The following TFAP2C variants were observed in gnomAD, a reference collection of about 807,000 sequenced individuals.
TFAP2C encodes activating enhancer-binding protein 2 gamma.
A neutral mutation model predicts 42.9 loss-of-function variants in TFAP2C; 9 were observed. The observed-to-expected ratio is 0.21, with a 90% confidence interval of 0.13 to 0.37. TFAP2C has a LOEUF of 0.37. Ranked by LOEUF, TFAP2C falls within the 10% of genes least tolerant of loss-of-function variation. The pLI is 1.00. For missense variants in TFAP2C, 462 were observed against 591.7 expected (o/e 0.78, Z 2.27); for synonymous variants, 264 against 256.0 (o/e 1.03, Z -0.30).
At position 56,631,289 on chromosome 20, in the gene TFAP2C, C is replaced by A. The variant is rs146454069; in HGVS notation, c.133C>A (p.Pro45Thr). The change falls in exon 2 of 7, where the codon CCC (proline) becomes ACC (threonine). Residue 45 changes from proline (P) to threonine (T), a missense_variant. By Grantham distance (38) the Pro-to-Thr change is conservative. Transcript: ENST00000201031. The surrounding 1 kb of genome is among the most constrained non-coding windows in gnomAD (Gnocchi z 6.1). ...AGQHLYSPAP[P>T]LSHTGVAEYQ... ...GCAGCACCTCTACAGCCCCGCGCCACCCCTCTCCCACACTGGAGTCGCCGA... is the reference window on the plus strand; with the variant it reads ...GCAGCACCTCTACAGCCCCGCGCCAACCCTCTCCCACACTGGAGTCGCCGA... The A allele has an allele frequency of 1.2e-6, 2 of 1,606,946 alleles. No homozygotes were observed. Among genetic ancestry groups the A allele is most frequent in the African/African-American group, 2.7e-5 (2 of 74,386 alleles).
At position 56,633,685 on chromosome 20, in the gene TFAP2C, C is replaced by T. The variant is rs541873256; in HGVS notation, c.803+116C>T. Reference sequence around the variant, plus strand: ...TTTATGCCTAACACTGAATTCTAATCGGGTTAGAGTTTTAGTACATTTCTT... The same window carrying T: ...TTTATGCCTAACACTGAATTCTAATTGGGTTAGAGTTTTAGTACATTTCTT... On this transcript the variant is annotated intron_variant, in intron 4 of 6. Coordinates refer to ENST00000201031, the MANE Select transcript of TFAP2C (RefSeq NM_003222.4). 1.7e-4 allele frequency: 135 copies of T among 776,428 alleles called. 1 individual carries two copies. The East Asian group carries it at 3.3e-3, about 19-fold the overall frequency. The allele number at this position is 776,428 out of a possible 1,614,324, so 48.1% of individuals were successfully genotyped here.
rs780474175 is a variant in TFAP2C at position 56,631,510 on chromosome 20, C to G, written c.354C>G (p.His118Gln). ...SQEGAGLPSH[H>Q]GRPAGLLPHL... ...AGGGAGCGGGGCTGCCCTCGCACCA[C>G]GGGCGCCCGGCCGGCCTACTGCCCC... Residue 118 changes from histidine to glutamine, a missense_variant, in exon 2 of 7, where the codon CAC (histidine) becomes CAG (glutamine). Physicochemically the swap from His to Gln is conservative, Grantham distance 24. Around this residue, in one of 5 missense-constraint regions of TFAP2C, gnomAD observed 271 missense variants for 269.7 expected, o/e 1.00. Transcript: ENST00000201031. The surrounding 1 kb of genome is among the most constrained non-coding windows in gnomAD (Gnocchi z 6.1). 2.4e-5 allele frequency: 36 copies of G among 1,502,940 alleles called. No homozygotes were observed. Among genetic ancestry groups the G allele is most frequent in the Non-Finnish European group, 3.2e-5 (36 of 1,133,980 alleles). The allele number at this position is 1,502,940 out of a possible 1,614,324, so 93.1% of individuals were successfully genotyped here. A position where few individuals can be genotyped will look rare whatever the true frequency, so the allele number is the denominator to read the frequency against.
At chr20:56,634,037 T>C (rs1320433575) in intron 4 of TFAP2C, 113 bp from the exon 5 acceptor site, 4 of 729,734 alleles carry the variant, frequency 5.5e-6, no homozygotes, top group East Asian at 2.5e-5. Context: ...AGATAGTCTT[T>C]GATGGGTTTC....
intron 6 of TFAP2C, 65 bp from the exon 7 acceptor site, chr20:56,637,663 G>A: frequency 6.4e-7 from 1 of 1,559,628 alleles, no homozygotes; most frequent in Non-Finnish European, 8.8e-7. Flanking sequence ...AGTGTAGTTG[G>A]TTCTGTGCTC....
At chr20:56,632,043 T>C (rs1374461657) in intron 3 of TFAP2C, among the ~76,000 whole-genome samples, 187 bp downstream of exon 3, 1 of 152,212 alleles carries the variant, frequency 6.6e-6, no homozygotes, top group Non-Finnish European at 1.5e-5. Context: ...CTAGGAGCTG[T>C]CTCTTCATCT....
chr20:56,634,173 G>T lies in TFAP2C; in HGVS notation c.827G>T (p.Arg276Leu). 1 of 1,613,628 alleles carries T rather than the reference G, an allele frequency of 6.2e-7. No homozygotes were observed. Among genetic ancestry groups the T allele is most frequent in the Non-Finnish European group, 8.5e-7 (1 of 1,179,886 alleles). The stretch of plus-strand genomic sequence containing the variant: ...AGAGCCAAATCGAAAAATGGAGGCC[G>T]GTCCTTGCGGGAGAAGTTGGACAAG... ...LRRAKSKNGG[R>L]SLREKLDKIG... Residue 276 changes from arginine to leucine, a missense_variant, in exon 5 of 7, where the codon CGG (arginine) becomes CTG (leucine). By Grantham distance (102) the Arg-to-Leu change is moderately radical. This residue lies in a region of TFAP2C where 40 missense variants were observed against 106.8 expected (regional missense o/e 0.37). Transcript: ENST00000201031.
Position 56,636,773 on chromosome 20 carries a change from A to G in TFAP2C, c.1067+19A>G. The stretch of plus-strand genomic sequence containing the variant: ...CGGCCCAGTAAGTATCTGAACTTGA[A>G]TTTGATGATGACTCAATGCTCTAGA... On this transcript the variant is annotated intron_variant, in intron 6 of 6. Coordinates refer to ENST00000201031, the MANE Select transcript of TFAP2C (RefSeq NM_003222.4). 3 of 1,608,486 alleles carry G rather than the reference A, an allele frequency of 1.9e-6. No homozygotes were observed. Among genetic ancestry groups the G allele is most frequent in the Non-Finnish European group, 2.5e-6 (3 of 1,177,270 alleles).
intron 5 of TFAP2C, among the ~76,000 whole-genome samples, chr20:56,634,881 C>T (rs143555025): frequency 6.6e-6 from 1 of 152,322 alleles, no homozygotes; most frequent in African/African-American, 2.4e-5. Flanking sequence ...GGCCCCTTTA[C>T]CCCAACCTGG....
At chr20:56,632,472 G>A (rs1393899018) in intron 3 of TFAP2C, among the ~76,000 whole-genome samples, 1 of 152,106 alleles carries the variant, frequency 6.6e-6, no homozygotes, top group African/African-American at 2.4e-5. Flanking sequence ...TTAACTGACA[G>A]GATTACCAGG....
rs2146445830 is a variant in TFAP2C at position 56,630,815 on chromosome 20, C to T, written c.49-390C>T. On this transcript the variant is annotated intron_variant, in intron 1 of 6. Transcript: ENST00000201031. This position sits in a 1 kb window ranked among gnomAD's most constrained non-coding sequence, Gnocchi z 5.1. ...CATGGGCGGGCTCCACGAGATAGCT[C>T]TGCACCGGGCGTCCGGCTCCTTCGC... The T allele has an allele frequency of 1.0e-6, 1 of 985,330 alleles. No homozygotes were observed. The highest frequency in any genetic ancestry group is 1.7e-5 in the African/African-American group (1 of 57,370). 61.0% of individuals were successfully genotyped at this position (985,330 alleles called of 1,614,324 possible). A position where few individuals can be genotyped will look rare whatever the true frequency, so the allele number is the denominator to read the frequency against.
In TFAP2C at chr20:56,631,510, C is replaced by T. The variant is rs780474175; in HGVS notation, c.354C>T (p.His118=). 1.5e-5 allele frequency: 23 copies of T among 1,502,940 alleles called. No homozygotes were observed. Among genetic ancestry groups the T allele is most frequent in the Non-Finnish European group, 1.9e-5 (21 of 1,133,980 alleles). 93.1% of individuals were successfully genotyped at this position (1,502,940 alleles called of 1,614,324 possible). Residue 118 remains histidine (H), a synonymous_variant, in exon 2 of 7, where the codon CAC becomes CAT. Coordinates refer to ENST00000201031, the MANE Select transcript of TFAP2C (RefSeq NM_003222.4). The surrounding 1 kb of genome is among the most constrained non-coding windows in gnomAD (Gnocchi z 6.1). ...SQEGAGLPSH[H]GRPAGLLPHL... ...AGGGAGCGGGGCTGCCCTCGCACCACGGGCGCCCGGCCGGCCTACTGCCCC... is the reference window on the plus strand; with the variant it reads ...AGGGAGCGGGGCTGCCCTCGCACCATGGGCGCCCGGCCGGCCTACTGCCCC...
rs951091472 is a variant in TFAP2C, at chr20:56,639,202, C to T, written c.*1189C>T. On this transcript the variant is annotated 3_prime_UTR_variant, in exon 7 of 7. Coordinates refer to ENST00000201031, the MANE Select transcript of TFAP2C (RefSeq NM_003222.4). ...GGTGAAATGGAGATTTGGAATTGAA[C>T]TCTCTGCCTGTAAATGTTCCCCAAA... 2.0e-5 allele frequency: 3 copies of T among 152,652 alleles called. No homozygotes were observed. The highest frequency in any genetic ancestry group is 6.5e-5 in the Admixed American group (1 of 15,290). 9.5% of individuals were successfully genotyped at this position (152,652 alleles called of 1,614,324 possible). A position where few individuals can be genotyped will look rare whatever the true frequency, so the allele number is the denominator to read the frequency against.
At chr20:56,635,882 A>G (rs1045343454) in intron 5 of TFAP2C, among the ~76,000 whole-genome samples, 3 of 152,198 alleles carry the variant, frequency 2.0e-5, no homozygotes, top group Non-Finnish European at 4.4e-5. Flanking sequence ...TACTTATAAT[A>G]CCTAATACTA....
Position 56,629,620 on chromosome 20 carries a change from C to G in TFAP2C, c.48+28C>G, listed in dbSNP as rs778577283. The G allele has an allele frequency of 1.4e-6, 2 of 1,392,064 alleles. No individual in the cohort carries two copies. The highest frequency in any genetic ancestry group is 5.9e-5 in the Admixed American group (2 of 34,002). 86.2% of individuals were successfully genotyped at this position (1,392,064 alleles called of 1,614,324 possible). A position where few individuals can be genotyped will look rare whatever the true frequency, so the allele number is the denominator to read the frequency against. ...GAGCTGGGGCTCCGGGGTGCAGCCC[C>G]GCCCCGCCGAGGACAGTCCGGGAGG... On this transcript the variant is annotated intron_variant, in intron 1 of 6. Transcript: ENST00000201031. This position sits in a 1 kb window ranked among gnomAD's most constrained non-coding sequence, Gnocchi z 5.9.
At position 56,631,728 on chromosome 20, in the gene TFAP2C, C is replaced by G. The variant is rs1287870333; in HGVS notation, c.534+38C>G. ...GCGGCTCCTGACCGGACCTGTTCAC[C>G]CTACGGCCTTCTGCCCCCACCCCGC... On this transcript the variant is annotated intron_variant, in intron 2 of 6. Transcript: ENST00000201031. This position sits in a 1 kb window ranked among gnomAD's most constrained non-coding sequence, Gnocchi z 6.1. 6.2e-7 allele frequency: 1 copy of G among 1,610,882 alleles called. No homozygotes were observed. The highest frequency in any genetic ancestry group is 1.3e-5 in the African/African-American group (1 of 75,014).
chr20:56,634,176 C>T lies in TFAP2C; in HGVS notation c.830C>T (p.Ser277Phe). 6 of 1,613,920 alleles carry T rather than the reference C, an allele frequency of 3.7e-6. No homozygotes were observed. The highest frequency in any genetic ancestry group is 4.2e-6 in the Non-Finnish European group (5 of 1,179,966). Residue 277 changes from serine (S) to phenylalanine (F), a missense_variant, in exon 5 of 7, where the codon TCC (serine) becomes TTC (phenylalanine). By Grantham distance (155) the Ser-to-Phe change is radical. This residue lies in a region of TFAP2C where 40 missense variants were observed against 106.8 expected (regional missense o/e 0.37). Transcript: ENST00000201031. ...RRAKSKNGGR[S>F]LREKLDKIGL... is the part of the protein sequence containing the mutation. Reference sequence around the variant, plus strand: ...GCCAAATCGAAAAATGGAGGCCGGTCCTTGCGGGAGAAGTTGGACAAGATT... The same window carrying T: ...GCCAAATCGAAAAATGGAGGCCGGTTCTTGCGGGAGAAGTTGGACAAGATT...
rs1466094455 is a variant in TFAP2C, at chr20:56,638,412, T to C, written c.*399T>C. On this transcript the variant is annotated 3_prime_UTR_variant, in exon 7 of 7. Coordinates refer to ENST00000201031, the MANE Select transcript of TFAP2C (RefSeq NM_003222.4). ...GTGCCCTAGATCAACAGATCAACAA[T>C]ACCTTTTTTTTCAGTGTTAAGGTAA... The C allele has an allele frequency of 6.0e-6, 1 of 167,090 alleles. No individual in the cohort carries two copies. Among genetic ancestry groups the C allele is most frequent in the Non-Finnish European group, 1.3e-5 (1 of 76,482 alleles). 10.4% of individuals were successfully genotyped at this position (167,090 alleles called of 1,614,324 possible). A position where few individuals can be genotyped will look rare whatever the true frequency, so the allele number is the denominator to read the frequency against.
chr20:56,630,696 A>T lies in TFAP2C; in HGVS notation c.49-509A>T. 1.0e-6 allele frequency: 1 copy of T among 985,158 alleles called. No individual in the cohort carries two copies. 61.0% of individuals were successfully genotyped at this position (985,158 alleles called of 1,614,324 possible). A position where few individuals can be genotyped will look rare whatever the true frequency, so the allele number is the denominator to read the frequency against. ...GGAGGTCTTTGTCCCGAGGGCGTGG[A>T]AGGGAGGGTCCCGGGGGCGGGGGAG... On this transcript the variant is annotated intron_variant, in intron 1 of 6. Transcript: ENST00000201031. This position sits in a 1 kb window ranked among gnomAD's most constrained non-coding sequence, Gnocchi z 5.1.
In TFAP2C at chr20:56,638,653, T is replaced by G. The variant is rs1456323745; in HGVS notation, c.*640T>G. 1 of 149,872 alleles carries G rather than the reference T, an allele frequency of 6.7e-6. No individual in the cohort carries two copies. 9.3% of individuals were successfully genotyped at this position (149,872 alleles called of 1,614,324 possible). On this transcript the variant is annotated 3_prime_UTR_variant, in exon 7 of 7. Coordinates refer to ENST00000201031, the MANE Select transcript of TFAP2C (RefSeq NM_003222.4). ...GAAACGAAGCCTGCTGATTGATTTTTTTCTCCTTTTTTTTTTTTTTTTTTT... is the reference window on the plus strand; with the variant it reads ...GAAACGAAGCCTGCTGATTGATTTTGTTCTCCTTTTTTTTTTTTTTTTTTT...
Sources: allele counts gnomAD v4.1 joint callset (sites outside exome capture counted in the v4.1 genomes callset), GRCh38; gene constraint gnomAD v4.1.1; regional missense constraint gnomAD v4.1.1; non-coding constraint Gnocchi (gnomAD v3.1); transcripts MANE v1.5; gene names NCBI Gene and HGNC (gene_info 2026-07-23, HGNC 2026-07-21).